Variants in UNC5D observed in about 807,000 individuals in gnomAD.
UNC5D encodes the protein unc-5 netrin receptor D.
In UNC5D, 39 loss-of-function variants were observed where a neutral mutation model predicts 105.4. That is an observed-to-expected ratio of 0.37 (90% CI 0.29 to 0.48). The LOEUF is 0.48. UNC5D is among the 20% of genes least tolerant of loss of function. The probability of loss-of-function intolerance (pLI) is 0.98; values close to 1 mark genes in which losing one functional copy is unlikely to be tolerated. For synonymous variants in UNC5D, 452 were observed against 450.4 expected, an observed-to-expected ratio of 1.00 and a Z score of -0.04; for missense variants, 991 against 1,202.4, an observed-to-expected ratio of 0.82 and a Z score of 2.60.
intron 1 of UNC5D, among the ~76,000 whole-genome samples, chr8:35,498,596 G>A (rs757774280): frequency 6.6e-6 from 1 of 152,112 alleles, no homozygotes; most frequent in African/African-American, 2.4e-5. Context: ...GAAGGAAAAT[G>A]CAGGACTGGG....
At chr8:35,589,175 G>GA in intron 3 of UNC5D, among the ~76,000 whole-genome samples, 1 of 152,014 alleles carries the variant, frequency 6.6e-6, no homozygotes, top group African/African-American at 2.4e-5. Flanking sequence ...ACATGCATAT[G>GA]GTAGAGATCA....
chr8:35,743,764 C>A lies in UNC5D; in HGVS notation c.1767-4763C>A, dbSNP rs563135672. On this transcript the variant is annotated intron_variant, in intron 11 of 16. Transcript: ENST00000404895. ...CTTCATATACGTATAAAAGTCAATA[C>A]ATATATATACATATATGTGCATATG... Among the ~76,000 whole-genome samples, 5 of 151,968 alleles carry A rather than the reference C, an allele frequency of 3.3e-5. No homozygotes were observed. The South Asian group carries it at 1.0e-3, about 32-fold the overall frequency.
intron 1 of UNC5D, among the ~76,000 whole-genome samples, chr8:35,489,000 C>G (rs1811015340): frequency 6.6e-6 from 1 of 151,234 alleles, no homozygotes; most frequent in Non-Finnish European, 1.5e-5. Context: ...GCTGAATTAT[C>G]TCCCCCCAAT....
intron 1 of UNC5D, among the ~76,000 whole-genome samples, chr8:35,434,432 G>C (rs987033150): frequency 6.6e-6 from 1 of 151,902 alleles, no homozygotes; most frequent in African/African-American, 2.4e-5. Context: ...TTTATTTTAA[G>C]TAATAACTAT....
intron 1 of UNC5D, among the ~76,000 whole-genome samples, chr8:35,396,381 T>C (rs1309295856): frequency 1.3e-5 from 2 of 152,112 alleles, no homozygotes; most frequent in African/African-American, 2.4e-5. Context: ...CCTCTTCCAG[T>C]AGAGTCACAC....
intron 10 of UNC5D, among the ~76,000 whole-genome samples, chr8:35,730,645 C>T (rs1829140863): frequency 6.6e-6 from 1 of 152,110 alleles, no homozygotes; most frequent in Non-Finnish European, 1.5e-5. Context: ...ATGAGATATA[C>T]ATTTTTTTAA....
intron 1 of UNC5D, among the ~76,000 whole-genome samples, chr8:35,356,468 C>G (rs1456364874): frequency 6.6e-6 from 1 of 152,030 alleles, no homozygotes; most frequent in Non-Finnish European, 1.5e-5. Context: ...AATTTAATAC[C>G]TTTTCTGTCT....
intron 1 of UNC5D, among the ~76,000 whole-genome samples, chr8:35,419,366 C>T (rs1050194727): frequency 2.6e-5 from 4 of 152,162 alleles, no homozygotes; most frequent in Non-Finnish European, 2.9e-5. Context: ...GCACTCAGCT[C>T]GCACTACCAG....
intron 1 of UNC5D, among the ~76,000 whole-genome samples, chr8:35,433,366 G>A (rs1029690722): frequency 1.3e-5 from 2 of 152,040 alleles, no homozygotes; most frequent in African/African-American, 4.8e-5. Context: ...CATTTAAAAT[G>A]TTCTTTTTCT....
chr8:35,525,396 G>A (rs1453762838), intron 1 of UNC5D: 11 of 1,611,968 alleles, frequency 6.8e-6, no homozygotes, highest in Non-Finnish European at 9.3e-6. Context: ...GTCTTTAATG[G>A]TCTTGTGAAT....
intron 1 of UNC5D, among the ~76,000 whole-genome samples, chr8:35,381,697 T>C (rs1803053377): frequency 6.6e-6 from 1 of 152,230 alleles, no homozygotes; most frequent in Non-Finnish European, 1.5e-5. Flanking sequence ...TAGATAGCAC[T>C]TATTAAATTT....
chr8:35,581,965 C>A (rs1818492368), intron 3 of UNC5D, among the ~76,000 whole-genome samples: 1 of 152,120 alleles, frequency 6.6e-6, no homozygotes, highest in Non-Finnish European at 1.5e-5. Flanking sequence ...CTCTTCTCTC[C>A]ACCTGATACA....
intron 1 of UNC5D, among the ~76,000 whole-genome samples, chr8:35,307,877 G>A (rs1808545632): frequency 6.6e-6 from 1 of 152,052 alleles, no homozygotes. Context: ...GACTGTTGGG[G>A]GGAAACTTCT....
chr8:35,580,461 CA>C (rs1004904727), intron 3 of UNC5D, among the ~76,000 whole-genome samples: 2 of 150,844 alleles, frequency 1.3e-5, no homozygotes, highest in South Asian at 2.1e-4. Context: ...AAAACAAAAA[CA>C]AAAAAACAAC....
intron 3 of UNC5D, among the ~76,000 whole-genome samples, chr8:35,592,731 C>T (rs1208022265): frequency 6.6e-6 from 1 of 152,140 alleles, no homozygotes; most frequent in Non-Finnish European, 1.5e-5. Flanking sequence ...ATAATGATGT[C>T]TGATCATTAC....
chr8:35,348,415 A>G (rs989890602), intron 1 of UNC5D, among the ~76,000 whole-genome samples: 11 of 151,860 alleles, frequency 7.2e-5, no homozygotes, highest in African/African-American at 2.7e-4. Flanking sequence ...GGAGTACAGG[A>G]TAGGTGGATA....
intron 1 of UNC5D, among the ~76,000 whole-genome samples, chr8:35,548,830 C>T (rs1388320479): frequency 2.6e-5 from 4 of 152,150 alleles, no homozygotes; most frequent in Admixed American, 2.6e-4. Context: ...AATCTTTTGA[C>T]CATATTTTAT....
At chr8:35,302,153 C>T (rs1250061803) in intron 1 of UNC5D, among the ~76,000 whole-genome samples, 1 of 152,134 alleles carries the variant, frequency 6.6e-6, no homozygotes, top group Non-Finnish European at 1.5e-5. Context: ...CAACAGCTTA[C>T]CCTTATATTT....
intron 1 of UNC5D, among the ~76,000 whole-genome samples, chr8:35,282,505 G>A (rs1402791827): frequency 6.6e-6 from 1 of 152,042 alleles, no homozygotes; most frequent in Non-Finnish European, 1.5e-5. Flanking sequence ...GGAGTTGTCA[G>A]GAAGGGGGTA....
Sources: gnomAD v4.1 joint callset for allele counts (sites outside exome capture counted in the v4.1 genomes callset) on GRCh38, gnomAD v4.1.1 for gene constraint, MANE v1.5 for transcripts, NCBI Gene and HGNC (gene_info 2026-07-23, HGNC 2026-07-21) for gene names.